Variants in DENND5A observed in about 807,000 individuals in gnomAD.
DENND5A encodes the protein DENN domain containing 5A.
DENND5A carries 64 observed loss-of-function variants against 140.3 expected under a neutral mutation model. That is an observed-to-expected ratio of 0.46 (90% CI 0.37 to 0.56). The LOEUF (loss-of-function observed/expected upper bound fraction) is 0.56, where lower values mean the gene tolerates loss of function less well. Among genes scored for constraint, DENND5A ranks in the 20% least tolerant of loss-of-function variants. The probability of loss-of-function intolerance (pLI) is 0.00; values close to 1 mark genes in which losing one functional copy is unlikely to be tolerated. For synonymous variants in DENND5A, 605 were observed against 607.7 expected (o/e 1.00, Z 0.07); for missense variants, 1,292 against 1,593.8 (o/e 0.81, Z 3.22).
intron 10 of DENND5A, among the ~76,000 whole-genome samples, chr11:9,167,112 G>GT (rs1420371440): frequency 2.0e-5 from 3 of 152,042 alleles, no homozygotes; most frequent in Non-Finnish European, 2.9e-5. Flanking sequence ...TTCATATGTT[G>GT]TTTAACACAG....
intron 10 of DENND5A, among the ~76,000 whole-genome samples, chr11:9,167,794 C>A (rs1018706819): frequency 6.6e-6 from 1 of 152,004 alleles, no homozygotes; most frequent in African/African-American, 2.4e-5. Flanking sequence ...CAGAGTAAGA[C>A]CCCATTTCAA....
chr11:9,164,435 G>A (rs946496535), intron 11 of DENND5A, among the ~76,000 whole-genome samples: 11 of 151,662 alleles, frequency 7.3e-5, no homozygotes, highest in African/African-American at 1.9e-4. Flanking sequence ...CACTTCAAAT[G>A]GGCACCACTT....
intron 1 of DENND5A, among the ~76,000 whole-genome samples, chr11:9,255,719 G>T: frequency 6.6e-6 from 1 of 152,116 alleles, no homozygotes; most frequent in Non-Finnish European, 1.5e-5. Flanking sequence ...ACAAAAATTA[G>T]CTGGGCATAG....
intron 8 of DENND5A, chr11:9,175,784 G>A (rs1848528442): frequency 1.3e-5 from 2 of 152,218 alleles, no homozygotes; most frequent in South Asian, 2.1e-4. Context: ...AAAAAAAATG[G>A]ACGCATAACT....
chr11:9,141,749 G>A (rs566622484), intron 22 of DENND5A, among the ~76,000 whole-genome samples, 191 bp downstream of exon 22: 17 of 152,272 alleles, frequency 1.1e-4, no homozygotes, highest in African/African-American at 4.1e-4. Context: ...ATGTTGTTAC[G>A]CAGCACATTT....
At chr11:9,262,740 ATT>A (rs56033458) in intron 1 of DENND5A, among the ~76,000 whole-genome samples, 46 of 149,390 alleles carry the variant, frequency 3.1e-4, no homozygotes, top group African/African-American at 1.0e-3. Context: ...CATCAAAATA[ATT>A]TTTTTTTTTT....
At chr11:9,228,949 C>T (rs1418760426) in intron 1 of DENND5A, among the ~76,000 whole-genome samples, 2 of 152,078 alleles carry the variant, frequency 1.3e-5, no homozygotes, top group Admixed American at 1.3e-4. Flanking sequence ...GCCATTCTGG[C>T]AAATTATGCA....
chr11:9,180,197 T>C (rs1848681418), intron 6 of DENND5A, among the ~76,000 whole-genome samples: 2 of 151,996 alleles, frequency 1.3e-5, no homozygotes, highest in Non-Finnish European at 2.9e-5. Context: ...CTCACACTTA[T>C]AATCCCACCA....
intron 1 of DENND5A, among the ~76,000 whole-genome samples, chr11:9,212,029 C>A (rs994924418): frequency 3.2e-4 from 48 of 151,536 alleles, no homozygotes; most frequent in Middle Eastern, 7.1e-3. Context: ...GAGATACTGA[C>A]CTTGAAAAAT....
At chr11:9,184,917 C>T (rs1303657481) in intron 5 of DENND5A, among the ~76,000 whole-genome samples, 1 of 152,136 alleles carries the variant, frequency 6.6e-6, no homozygotes, top group Non-Finnish European at 1.5e-5. Flanking sequence ...TCAGGCTGGG[C>T]ACAGTGCCTC....
At chr11:9,264,832 G>A (rs1852371927) in intron 1 of DENND5A, 129 bp downstream of exon 1, 5 of 769,408 alleles carry the variant, frequency 6.5e-6, no homozygotes, top group Middle Eastern at 3.9e-4. Context: ...CTTCGCCCGC[G>A]CCCGCCCTGG....
Position 9,178,238 on chromosome 11 carries a change from T to A in DENND5A, c.1800A>T (p.Val600=), listed in dbSNP as rs371021941. Residue 600 remains valine (V), a synonymous_variant, in exon 8 of 23, where the codon GTA becomes GTT. Transcript: ENST00000328194. ...CAACTCGGGAATCAAATACCCGGAG[T>A]ACAGGGTCTTTATCATCATCATCAT... ...MCHDDDDKDP[V]LRVFDSRVDK... is the part of the protein sequence containing the mutation. The A allele has an allele frequency of 6.2e-7, 1 of 1,613,288 alleles. No individual in the cohort carries two copies.
chr11:9,184,325 C>T lies in DENND5A; in HGVS notation c.1138-3241G>A, dbSNP rs113990507. 2.5e-3 allele frequency among the ~76,000 whole-genome samples: 386 copies of T among 151,996 alleles called. 2 individuals carry two copies. The highest frequency in any genetic ancestry group is 8.8e-3 in the African/African-American group (364 of 41,442). On this transcript the variant is annotated intron_variant, in intron 5 of 22. Coordinates refer to ENST00000328194, the MANE Select transcript of DENND5A (RefSeq NM_015213.4). The stretch of plus-strand genomic sequence containing the variant: ...CCAAGATCGCGCCACTGCACTCCAG[C>T]CTGGGCGACAGAGCGAGACTCCGTC...
At chr11:9,141,716 C>G (rs572025647) in intron 22 of DENND5A, among the ~76,000 whole-genome samples, 1 of 152,328 alleles carries the variant, frequency 6.6e-6, no homozygotes, top group East Asian at 1.9e-4. Flanking sequence ...ACCATCATCC[C>G]ATAAACAGTC....
chr11:9,242,460 C>T (rs1484330347), intron 1 of DENND5A: 2 of 152,208 alleles, frequency 1.3e-5, no homozygotes, highest in African/African-American at 4.8e-5. Context: ...GTGACTGTCT[C>T]ACTTACACAT....
intron 5 of DENND5A, among the ~76,000 whole-genome samples, chr11:9,191,530 G>A (rs1006718605): frequency 2.0e-5 from 3 of 152,168 alleles, no homozygotes; most frequent in African/African-American, 4.8e-5. Context: ...GTGAGCCACC[G>A]CACCCGGCCA....
chr11:9,173,175 T>G (rs1848430364), intron 8 of DENND5A, among the ~76,000 whole-genome samples: 1 of 151,816 alleles, frequency 6.6e-6, no homozygotes, highest in African/African-American at 2.4e-5. Flanking sequence ...TAACCTATAC[T>G]CAGGGAAAAT....
chr11:9,195,443 G>A (rs1350143423), intron 4 of DENND5A, among the ~76,000 whole-genome samples: 1 of 152,132 alleles, frequency 6.6e-6, no homozygotes, highest in East Asian at 1.9e-4. Flanking sequence ...GGCATTTAAG[G>A]ACAAAGCAGA....
intron 1 of DENND5A, among the ~76,000 whole-genome samples, chr11:9,218,485 G>A (rs1291388199): frequency 6.6e-6 from 1 of 152,112 alleles, no homozygotes; most frequent in African/African-American, 2.4e-5. Context: ...CAGCTCTTTG[G>A]GAGGCCGAGG....
Sources: gnomAD v4.1 joint callset for allele counts (sites outside exome capture counted in the v4.1 genomes callset) on GRCh38, gnomAD v4.1.1 for gene constraint, MANE v1.5 for transcripts, NCBI Gene and HGNC (gene_info 2026-07-23, HGNC 2026-07-21) for gene names.